The following SCHIP1 variants were observed in gnomAD, a reference collection of about 807,000 sequenced individuals.
The protein encoded by SCHIP1 is schwannomin-interacting protein 1.
SCHIP1 carries 8 observed loss-of-function variants against 29.7 expected under a neutral mutation model. That is an observed-to-expected ratio of 0.27 (90% CI 0.16 to 0.49). The LOEUF (loss-of-function observed/expected upper bound fraction) is 0.49. Among genes scored for constraint, SCHIP1 ranks in the 20% least tolerant of loss-of-function variants. The pLI is 0.99. For synonymous variants in SCHIP1, 76 were observed against 94.9 expected, an observed-to-expected ratio of 0.80 and a Z score of 1.16; for missense variants, 193 against 294.6, an observed-to-expected ratio of 0.66 and a Z score of 2.52.
chr3:159,575,889 ATT>A, the SCHIP1 span, among the ~76,000 whole-genome samples: 1 of 152,066 alleles, frequency 6.6e-6, no homozygotes, highest in African/African-American at 2.4e-5. Context: ...AGTTAATATC[ATT>A]TTGTTATTGA....
the SCHIP1 span, among the ~76,000 whole-genome samples, chr3:159,455,433 G>C: frequency 6.6e-6 from 1 of 152,194 alleles, no homozygotes; most frequent in Non-Finnish European, 1.5e-5. Context: ...ATGCAGCATT[G>C]CACTTTACAG....
chr3:159,849,575 A>G (rs1712301220), intron 1 of SCHIP1, among the ~76,000 whole-genome samples: 1 of 152,158 alleles, frequency 6.6e-6, no homozygotes, highest in Non-Finnish European at 1.5e-5. Flanking sequence ...CTTTGCTGCT[A>G]CTGTGAAAGA....
the SCHIP1 span, among the ~76,000 whole-genome samples, chr3:159,572,844 G>T: frequency 3.3e-5 from 5 of 152,014 alleles, no homozygotes. Flanking sequence ...TTGTTGAATT[G>T]ATCCCTTTAC....
chr3:159,545,681 T>C, the SCHIP1 span, among the ~76,000 whole-genome samples: 7 of 147,732 alleles, frequency 4.7e-5, no homozygotes, highest in African/African-American at 1.7e-4. Flanking sequence ...TAATATATAG[T>C]ATTATATAAT....
chr3:159,626,300 A>ATAGATT, the SCHIP1 span, among the ~76,000 whole-genome samples: 1 of 131,496 alleles, frequency 7.6e-6, no homozygotes, highest in Non-Finnish European at 1.6e-5. Flanking sequence ...AGATAGATAG[A>ATAGATT]TTTTTTTTTA....
chr3:159,714,114 G>A, the SCHIP1 span, among the ~76,000 whole-genome samples: 3 of 152,140 alleles, frequency 2.0e-5, no homozygotes, highest in Non-Finnish European at 4.4e-5. Context: ...GGAGGCACCT[G>A]TAGCCCCAGC....
At chr3:159,661,043 TCAGCC>T in the SCHIP1 span, among the ~76,000 whole-genome samples, 1 of 152,198 alleles carries the variant, frequency 6.6e-6, no homozygotes, top group Admixed American at 6.5e-5. Context: ...CACTGAGGTC[TCAGCC>T]CAGTGGGTGA....
the SCHIP1 span, among the ~76,000 whole-genome samples, chr3:159,446,184 CTTTT>C: frequency 1.3e-5 from 2 of 151,970 alleles, no homozygotes; most frequent in Admixed American, 1.3e-4. Context: ...TGTAATATAA[CTTTT>C]TTTATTTTCT....
chr3:159,306,385 C>T, the SCHIP1 span: 1 of 91,608 alleles, frequency 1.1e-5, no homozygotes, highest in Non-Finnish European at 2.9e-5. Context: ...GGTTCCAGTA[C>T]ACCATTGTAT....
chr3:159,819,721 A>G, the SCHIP1 span, among the ~76,000 whole-genome samples: 1 of 152,208 alleles, frequency 6.6e-6, no homozygotes, highest in Non-Finnish European at 1.5e-5. Flanking sequence ...AGATAATAAT[A>G]GTTTGTCCTC....
At chr3:159,326,188 A>G in the SCHIP1 span, among the ~76,000 whole-genome samples, 1 of 152,144 alleles carries the variant, frequency 6.6e-6, no homozygotes, top group Non-Finnish European at 1.5e-5. Context: ...GTTCTTGATT[A>G]CTTCTCTACT....
chr3:159,698,180 T>C, the SCHIP1 span, among the ~76,000 whole-genome samples: 1 of 152,256 alleles, frequency 6.6e-6, no homozygotes, highest in East Asian at 1.9e-4. Context: ...TCTTTGAATC[T>C]TTTTATTCTT....
chr3:159,744,694 G>A, the SCHIP1 span, among the ~76,000 whole-genome samples: 3 of 152,190 alleles, frequency 2.0e-5, no homozygotes, highest in African/African-American at 7.2e-5. Flanking sequence ...AGTGTTCAAT[G>A]GGGCCAGGCG....
At chr3:159,776,326 TTCTG>T in the SCHIP1 span, among the ~76,000 whole-genome samples, 1 of 94,000 alleles carries the variant, frequency 1.1e-5, no homozygotes, top group Admixed American at 1.2e-4. Flanking sequence ...ATCTTAAGTG[TTCTG>T]TCTTTTTTTT....
At chr3:159,274,959 A>C in the SCHIP1 span, 2 of 981,718 alleles carry the variant, frequency 2.0e-6, no homozygotes, top group Admixed American at 1.2e-4. Flanking sequence ...AATATAATGG[A>C]TTCTTTCTGT....
chr3:159,606,326 A>G, the SCHIP1 span, among the ~76,000 whole-genome samples: 4 of 152,246 alleles, frequency 2.6e-5, no homozygotes, highest in African/African-American at 9.6e-5. Context: ...ATAATAAAAA[A>G]AAATACAGTA....
the SCHIP1 span, among the ~76,000 whole-genome samples, chr3:159,512,446 T>C: frequency 6.6e-6 from 1 of 152,204 alleles, no homozygotes; most frequent in Non-Finnish European, 1.5e-5. Context: ...ACTGCCTAAG[T>C]GCCTCAAGAG....
chr3:159,718,338 C>T, the SCHIP1 span, among the ~76,000 whole-genome samples: 2 of 152,176 alleles, frequency 1.3e-5, no homozygotes, highest in Non-Finnish European at 1.5e-5. Flanking sequence ...GGGATGCCCT[C>T]TCTCACCACT....
At chr3:159,826,483 A>G in the SCHIP1 span, among the ~76,000 whole-genome samples, 1 of 152,250 alleles carries the variant, frequency 6.6e-6, no homozygotes, top group Non-Finnish European at 1.5e-5. Flanking sequence ...TTCTTCAGCC[A>G]GTTGCTCTTC....
Sources: allele counts gnomAD v4.1 joint callset (sites outside exome capture counted in the v4.1 genomes callset), GRCh38; gene constraint gnomAD v4.1.1; transcripts MANE v1.5; gene names NCBI Gene and HGNC (gene_info 2026-07-23, HGNC 2026-07-21).